MDGA2: variants seen among roughly 807,000 people sequenced by gnomAD.
The protein encoded by MDGA2 is MAM domain-containing glycosylphosphatidylinositol anchor protein 2.
A neutral mutation model predicts 117.8 loss-of-function variants in MDGA2; 40 were observed. The ratio of observed to expected loss-of-function variants is 0.34; its 90% confidence interval spans 0.26 to 0.44. The LOEUF (loss-of-function observed/expected upper bound fraction) is 0.44. MDGA2 is among the 20% of genes least tolerant of loss of function. The probability of loss-of-function intolerance (pLI) is 1.00; values close to 1 mark genes in which losing one functional copy is unlikely to be tolerated. For synonymous variants in MDGA2, 452 were observed against 439.0 expected, an observed-to-expected ratio of 1.03 and a Z score of -0.37; for missense variants, 1,123 against 1,250.6, an observed-to-expected ratio of 0.90 and a Z score of 1.54.
At position 46,865,384 on chromosome 14, in the gene MDGA2, C is replaced by T. The variant is rs200530298; in HGVS notation, c.2752+8049G>A. ...CTCAATCAATTAGGTATTGATGGGA[C>T]GTATCTCAAAATAATAAGAGCTATC... On this transcript the variant is annotated intron_variant, in intron 14 of 16. Coordinates refer to ENST00000399232, the MANE Select transcript of MDGA2 (RefSeq NM_001113498.3). Among the ~76,000 whole-genome samples, 414 of 152,116 alleles carry T rather than the reference C, an allele frequency of 2.7e-3. 4 individuals carry two copies. The highest frequency in any genetic ancestry group is 9.5e-3 in the African/African-American group (396 of 41,508).
intron 1 of MDGA2, among the ~76,000 whole-genome samples, chr14:47,479,357 G>A (rs1157786574): frequency 1.3e-5 from 2 of 150,866 alleles, no homozygotes; most frequent in Non-Finnish European, 2.9e-5. Flanking sequence ...CCTCCTCTTG[G>A]CATCTAACCT....
chr14:47,188,631 A>T (rs1028794456), intron 3 of MDGA2, among the ~76,000 whole-genome samples: 3 of 152,222 alleles, frequency 2.0e-5, no homozygotes, highest in Non-Finnish European at 4.4e-5. Flanking sequence ...ATTTTGGGGT[A>T]ATTTATTCCA....
At chr14:47,563,597 T>G (rs1895860855) in intron 1 of MDGA2, among the ~76,000 whole-genome samples, 1 of 138,942 alleles carries the variant, frequency 7.2e-6, no homozygotes, top group African/African-American at 2.6e-5. Flanking sequence ...TTTTTTTTTT[T>G]TTTTTTTTTT....
chr14:46,908,709 T>C (rs965480839), intron 10 of MDGA2, among the ~76,000 whole-genome samples: 1 of 152,236 alleles, frequency 6.6e-6, no homozygotes. Flanking sequence ...TTTAGGGTTA[T>C]AAATGTAGCC....
chr14:46,925,514 C>T (rs1453925178), intron 9 of MDGA2, among the ~76,000 whole-genome samples: 2 of 151,234 alleles, frequency 1.3e-5, no homozygotes, highest in African/African-American at 4.9e-5. Context: ...CACCAGTAAT[C>T]CCAGCTATTC....
At chr14:46,982,408 T>A (rs1270661185) in intron 8 of MDGA2, among the ~76,000 whole-genome samples, 2 of 151,792 alleles carry the variant, frequency 1.3e-5, no homozygotes, top group Non-Finnish European at 2.9e-5. Context: ...CAAAAATTAG[T>A]TCCTTTAAAA....
At chr14:47,007,441 G>A (rs117680108) in intron 8 of MDGA2, among the ~76,000 whole-genome samples, 1,852 of 151,762 alleles carry the variant, frequency 0.012, 21 homozygotes, top group Non-Finnish European at 0.018. Flanking sequence ...TAACAAGAAC[G>A]AGTCTGATTG....
chr14:46,863,983 T>A (rs1193659987), intron 14 of MDGA2, among the ~76,000 whole-genome samples: 1 of 152,074 alleles, frequency 6.6e-6, no homozygotes, highest in African/African-American at 2.4e-5. Context: ...GTTACATATG[T>A]ATACATGTGC....
At chr14:47,116,917 AT>A (rs1447392486) in intron 5 of MDGA2, among the ~76,000 whole-genome samples, 1 of 144,562 alleles carries the variant, frequency 6.9e-6, no homozygotes, top group African/African-American at 2.7e-5. Context: ...GTGGGACCAC[AT>A]CAAAATAAAA....
At chr14:47,556,601 C>T (rs755455202) in intron 1 of MDGA2, among the ~76,000 whole-genome samples, 36 of 152,138 alleles carry the variant, frequency 2.4e-4, no homozygotes, top group Non-Finnish European at 4.0e-4. Flanking sequence ...GCTGGAACAG[C>T]CTGGTCAAGT....
chr14:47,346,829 C>A (rs142783030), intron 1 of MDGA2, among the ~76,000 whole-genome samples: 8 of 152,112 alleles, frequency 5.3e-5, no homozygotes, highest in African/African-American at 1.2e-4. Flanking sequence ...AATCCATGAA[C>A]AATATAATTC....
At chr14:46,893,905 T>C (rs540939338) in intron 10 of MDGA2, among the ~76,000 whole-genome samples, 1 of 152,156 alleles carries the variant, frequency 6.6e-6, no homozygotes, top group South Asian at 2.1e-4. Context: ...TTTATAAATT[T>C]TTTTAGACTT....
Position 47,674,969 on chromosome 14 carries a change from C to T in MDGA2, c.-173G>A, listed in dbSNP as rs555702186. The T allele has an allele frequency of 1.2e-5, 5 of 403,740 alleles. No individual in the cohort carries two copies. The highest frequency in any genetic ancestry group is 2.2e-5 in the Non-Finnish European group (5 of 229,994). 25.0% of individuals were successfully genotyped at this position (403,740 alleles called of 1,614,324 possible). On this transcript the variant is annotated 5_prime_UTR_variant, in exon 1 of 17. Coordinates refer to ENST00000399232, the MANE Select transcript of MDGA2 (RefSeq NM_001113498.3). ...CGAGGCGAAGTGTTCTTCAGGGAAGCGGGCTCGAGTCTCCGCAGCTGCGGC... is the reference window on the plus strand; with the variant it reads ...CGAGGCGAAGTGTTCTTCAGGGAAGTGGGCTCGAGTCTCCGCAGCTGCGGC...
At chr14:47,279,582 TC>T (rs926738368) in intron 2 of MDGA2, among the ~76,000 whole-genome samples, 26 of 152,280 alleles carry the variant, frequency 1.7e-4, no homozygotes, top group African/African-American at 6.3e-4. Flanking sequence ...CTTAATGTAT[TC>T]AAACATACTA....
chr14:47,351,321 A>G (rs1419417622), intron 1 of MDGA2, among the ~76,000 whole-genome samples: 1 of 152,066 alleles, frequency 6.6e-6, no homozygotes, highest in Non-Finnish European at 1.5e-5. Context: ...ACCTCAAGTG[A>G]TCTGCCGGCC....
chr14:46,901,015 T>C (rs921160341), intron 10 of MDGA2, among the ~76,000 whole-genome samples: 4 of 152,012 alleles, frequency 2.6e-5, no homozygotes, highest in African/African-American at 9.7e-5. Flanking sequence ...AATAAATGAT[T>C]TTAAAAAGAA....
intron 2 of MDGA2, among the ~76,000 whole-genome samples, chr14:47,246,097 C>T (rs976356494): frequency 1.1e-4 from 17 of 151,894 alleles, no homozygotes; most frequent in Non-Finnish European, 2.4e-4. Context: ...CTGCCCTATG[C>T]TCTTCCCTCG....
chr14:47,539,233 T>A (rs1378275520), intron 1 of MDGA2, among the ~76,000 whole-genome samples: 2 of 152,194 alleles, frequency 1.3e-5, no homozygotes, highest in South Asian at 4.1e-4. Context: ...CCGGACTGCA[T>A]GCACTGGGTG....
intron 10 of MDGA2, among the ~76,000 whole-genome samples, chr14:46,899,536 C>T (rs1016839557): frequency 2.6e-5 from 4 of 151,278 alleles, no homozygotes; most frequent in Admixed American, 1.3e-4. Flanking sequence ...ATGTGCTCAC[C>T]AAAAGAATAT....
Sources: allele counts gnomAD v4.1 joint callset (sites outside exome capture counted in the v4.1 genomes callset), GRCh38; gene constraint gnomAD v4.1.1; transcripts MANE v1.5; gene names NCBI Gene and HGNC (gene_info 2026-07-23, HGNC 2026-07-21).